The following FBLN5 variants were observed in gnomAD, a reference collection of about 807,000 sequenced individuals.
The protein encoded by FBLN5 is fibulin-5.
A neutral mutation model predicts 61.6 loss-of-function variants in FBLN5; 24 were observed. That is an observed-to-expected ratio of 0.39 (90% CI 0.28 to 0.55). The LOEUF (loss-of-function observed/expected upper bound fraction) is 0.55, where lower values mean the gene tolerates loss of function less well. Ranked by LOEUF, FBLN5 falls within the 20% of genes least tolerant of loss-of-function variation. FBLN5 has a pLI of 0.65. For missense variants in FBLN5, 470 were observed against 594.1 expected (o/e 0.79, Z 2.17); for synonymous variants, 213 against 219.8 (o/e 0.97, Z 0.27).
In FBLN5 at chr14:91,919,377, AAAAG is replaced by A. The variant is rs1429567898; in HGVS notation, c.379+17566_379+17569del. ...AAAAGAAAAGAAAAGAAAAGAAAAG[AAAAG>A]AAAGAAAGAAAGGAAGGAAGGAAGG... On this transcript the variant is annotated intron_variant, in intron 4 of 10. Coordinates refer to ENST00000342058, the MANE Select transcript of FBLN5 (RefSeq NM_006329.4). Among the ~76,000 whole-genome samples, 842 of 85,782 alleles carry A rather than the reference AAAAG, an allele frequency of 9.8e-3. 10 individuals carry two copies. Among genetic ancestry groups the A allele is most frequent in the African/African-American group, 0.025 (657 of 25,952 alleles). 56.3% of individuals were successfully genotyped at this position (85,782 alleles called of 152,430 possible).
intron 4 of FBLN5, among the ~76,000 whole-genome samples, chr14:91,895,359 G>A (rs746722372): frequency 2.6e-5 from 4 of 152,204 alleles, no homozygotes; most frequent in Non-Finnish European, 5.9e-5. Flanking sequence ...CTTTGAAGGT[G>A]CATTACCTTG....
chr14:91,888,416 C>T (rs985420630), intron 6 of FBLN5, among the ~76,000 whole-genome samples: 1 of 151,962 alleles, frequency 6.6e-6, no homozygotes, highest in Non-Finnish European at 1.5e-5. Flanking sequence ...ACCAGCCTGA[C>T]CAACATGGTG....
In FBLN5 at chr14:91,947,392, C is replaced by T; in HGVS notation, c.-163G>A. The T allele has an allele frequency of 2.6e-6, 2 of 772,252 alleles. No individual in the cohort carries two copies. The highest frequency in any genetic ancestry group is 2.1e-5 in the Admixed American group (1 of 48,158). 47.8% of individuals were successfully genotyped at this position (772,252 alleles called of 1,614,324 possible). A position where few individuals can be genotyped will look rare whatever the true frequency, so the allele number is the denominator to read the frequency against. ...CGTGGAGAGGACACGGGGAGAGCGCCGGGGTCCTCCCAGCCACTGCAGAGC... is the reference window on the plus strand; with the variant it reads ...CGTGGAGAGGACACGGGGAGAGCGCTGGGGTCCTCCCAGCCACTGCAGAGC... On this transcript the variant is annotated 5_prime_UTR_variant, in exon 1 of 11. Coordinates refer to ENST00000342058, the MANE Select transcript of FBLN5 (RefSeq NM_006329.4). The surrounding 1 kb of genome is among the most constrained non-coding windows in gnomAD (Gnocchi z 4.3).
chr14:91,874,369 C>T (rs933295711), intron 10 of FBLN5: 5 of 152,222 alleles, frequency 3.3e-5, no homozygotes, highest in African/African-American at 1.2e-4. Context: ...TTCTGGAATA[C>T]TTTCTATTGT....
intron 4 of FBLN5, among the ~76,000 whole-genome samples, chr14:91,895,429 T>C (rs1437160978): frequency 6.6e-6 from 1 of 152,188 alleles, no homozygotes; most frequent in Non-Finnish European, 1.5e-5. Flanking sequence ...ATTCATATGT[T>C]AAACAGGGGT....
In FBLN5 at chr14:91,903,141, TTCTC is replaced by T. The variant is rs537691678; in HGVS notation, c.380-8073_380-8070del. 2.3e-4 allele frequency among the ~76,000 whole-genome samples: 35 copies of T among 152,350 alleles called. 1 individual carries two copies. The South Asian group carries it at 6.4e-3, about 28-fold the overall frequency. ...CAAGCAGCGATTCTTAACTGGATTC[TTCTC>T]TCTCTAAGATAAAGCCTGCTGGTTA... On this transcript the variant is annotated intron_variant, in intron 4 of 10. Transcript: ENST00000342058.
At chr14:91,872,702 G>A (rs1025867599) in intron 10 of FBLN5, among the ~76,000 whole-genome samples, 1 of 152,138 alleles carries the variant, frequency 6.6e-6, no homozygotes, top group Non-Finnish European at 1.5e-5. Context: ...TCCTGTTCCC[G>A]TCAGCATCCA....
At chr14:91,907,638 G>A (rs1890737160) in intron 4 of FBLN5, among the ~76,000 whole-genome samples, 2 of 151,976 alleles carry the variant, frequency 1.3e-5, no homozygotes, top group South Asian at 4.2e-4. Context: ...ATCTATAAAG[G>A]CATCGTGTGC....
At chr14:91,933,949 A>C (rs1181852598) in intron 4 of FBLN5, among the ~76,000 whole-genome samples, 8 of 152,078 alleles carry the variant, frequency 5.3e-5, no homozygotes, top group Non-Finnish European at 1.2e-4. Context: ...GTCTCTACCA[A>C]AAAAATACAA....
intron 4 of FBLN5, among the ~76,000 whole-genome samples, chr14:91,896,042 A>C (rs1476721366): frequency 6.6e-6 from 1 of 151,986 alleles, no homozygotes; most frequent in African/African-American, 2.4e-5. Context: ...TCCCTTCTTA[A>C]CTTAGAGCTT....
intron 5 of FBLN5, among the ~76,000 whole-genome samples, chr14:91,893,615 A>G (rs1295485932): frequency 6.6e-6 from 1 of 152,254 alleles, no homozygotes. Flanking sequence ...TAGAAAACAC[A>G]GCATAGAAAT....
chr14:91,902,140 T>A (rs980601679), intron 4 of FBLN5, among the ~76,000 whole-genome samples: 7 of 152,210 alleles, frequency 4.6e-5, no homozygotes, highest in Non-Finnish European at 1.0e-4. Flanking sequence ...CCCATTCAAC[T>A]TTTGCCAGTG....
intron 9 of FBLN5, among the ~76,000 whole-genome samples, chr14:91,879,280 C>A (rs950203436): frequency 1.3e-5 from 2 of 152,052 alleles, no homozygotes; most frequent in Non-Finnish European, 2.9e-5. Flanking sequence ...GCAGGACTGG[C>A]TATGTGGAAA....
intron 4 of FBLN5, among the ~76,000 whole-genome samples, chr14:91,908,880 C>G (rs1461585918): frequency 6.6e-6 from 1 of 151,670 alleles, no homozygotes; most frequent in African/African-American, 2.4e-5. Flanking sequence ...TTCAGGAGGT[C>G]TAGAAAGAGT....
intron 7 of FBLN5, among the ~76,000 whole-genome samples, chr14:91,883,432 G>A (rs931089429): frequency 5.3e-5 from 8 of 151,990 alleles, no homozygotes; most frequent in African/African-American, 1.9e-4. Flanking sequence ...TGCCTAAGGG[G>A]CTGAGATTTC....
chr14:91,924,022 G>C (rs566857448), intron 4 of FBLN5, among the ~76,000 whole-genome samples: 2 of 152,090 alleles, frequency 1.3e-5, no homozygotes, highest in African/African-American at 4.8e-5. Flanking sequence ...CCCGACTCCC[G>C]CCAAGAGGCT....
intron 9 of FBLN5, among the ~76,000 whole-genome samples, chr14:91,879,310 A>G (rs998815588): frequency 3.3e-5 from 5 of 152,192 alleles, no homozygotes; most frequent in Admixed American, 3.3e-4. Context: ...TGCCTTCCAT[A>G]TGGCCGGAAG....
chr14:91,895,796 T>TAAAAA (rs1890198873), intron 4 of FBLN5, among the ~76,000 whole-genome samples: 1 of 32,726 alleles, frequency 3.1e-5, no homozygotes, highest in African/African-American at 1.6e-4. Context: ...AGACCCTGTC[T>TAAAAA]CAAAAAAAAA....
In FBLN5 at chr14:91,882,167, AAAAG is replaced by A. The variant is rs1483507940; in HGVS notation, c.863-753_863-750del. On this transcript the variant is annotated intron_variant, in intron 8 of 10. Coordinates refer to ENST00000342058, the MANE Select transcript of FBLN5 (RefSeq NM_006329.4). This position sits in a 1 kb window ranked among gnomAD's most constrained non-coding sequence, Gnocchi z 4.9. Reference sequence around the variant, plus strand: ...GTGAGACTCTGTCACAAAAAGAAAAAAAAGAAAGAAAGAAAAGAAAATATAGTAG... The same window carrying A: ...GTGAGACTCTGTCACAAAAAGAAAAAAAAGAAAGAAAAGAAAATATAGTAG... Among the ~76,000 whole-genome samples the A allele has an allele frequency of 3.9e-5, 6 of 152,310 alleles. No homozygotes were observed. Among genetic ancestry groups the A allele is most frequent in the African/African-American group, 1.2e-4 (5 of 41,568 alleles).
Sources: allele counts gnomAD v4.1 joint callset (sites outside exome capture counted in the v4.1 genomes callset), GRCh38; gene constraint gnomAD v4.1.1; non-coding constraint Gnocchi (gnomAD v3.1); transcripts MANE v1.5; gene names NCBI Gene and HGNC (gene_info 2026-07-23, HGNC 2026-07-21).